PTGFRN: variants seen among roughly 807,000 people sequenced by gnomAD.
The protein encoded by PTGFRN is prostaglandin F2 receptor negative regulator.
Under a neutral mutation model 83.2 loss-of-function variants are expected in PTGFRN, and 35 were observed. The ratio of observed to expected loss-of-function variants is 0.42; its 90% CI spans 0.32 to 0.56. The LOEUF (loss-of-function observed/expected upper bound fraction) is 0.56. PTGFRN is among the 20% of genes least tolerant of loss of function. The pLI is 0.11. For synonymous variants in PTGFRN, 519 were observed against 498.6 expected, an observed-to-expected ratio of 1.04 and a Z score of -0.55; for missense variants, 1,051 against 1,179.5, an observed-to-expected ratio of 0.89 and a Z score of 1.60.
In PTGFRN at chr1:116,961,918, T is replaced by C. The variant is rs1650676292; in HGVS notation, c.1639+250T>C. The stretch of plus-strand genomic sequence containing the variant: ...GCCAAGTCTCTTGTTTCCTGAACTT[T>C]ACCTCTGAATGTTTCTTTTCTCTTT... On this transcript the variant is annotated intron_variant, in intron 5 of 8. Coordinates refer to ENST00000393203, the MANE Select transcript of PTGFRN (RefSeq NM_020440.4). The surrounding 1 kb of genome is among the most constrained non-coding windows in gnomAD (Gnocchi z 5.4). Among the ~76,000 whole-genome samples the C allele has an allele frequency of 6.6e-6, 1 of 152,220 alleles. No individual in the cohort carries two copies. Among genetic ancestry groups the C allele is most frequent in the South Asian group, 2.1e-4 (1 of 4,832 alleles).
At chr1:116,938,476 C>T (rs1005602348) in intron 1 of PTGFRN, among the ~76,000 whole-genome samples, 1 of 152,178 alleles carries the variant, frequency 6.6e-6, no homozygotes, top group Non-Finnish European at 1.5e-5. Flanking sequence ...AGGGAACCTC[C>T]CCTTTTTATA....
At chr1:116,977,979 G>C (rs1360884794) in intron 7 of PTGFRN, among the ~76,000 whole-genome samples, 1 of 152,010 alleles carries the variant, frequency 6.6e-6, no homozygotes, top group Non-Finnish European at 1.5e-5. Context: ...CCACTAGCAA[G>C]ACTAATAAAG....
intron 1 of PTGFRN, among the ~76,000 whole-genome samples, chr1:116,922,229 C>G (rs1231769111): frequency 6.6e-6 from 1 of 152,086 alleles, no homozygotes; most frequent in Non-Finnish European, 1.5e-5. Context: ...AGGCCATAAT[C>G]CTATTTTTGG....
chr1:116,987,037 T>G lies in PTGFRN; in HGVS notation c.*70T>G. ...TGGGGCAAGAAGAGGACAGTGATAT[T>G]TTAAAACAAAGTGTGTTACACTAAA... On this transcript the variant is annotated 3_prime_UTR_variant, in exon 9 of 9. Transcript: ENST00000393203. The G allele has an allele frequency of 6.4e-7, 1 of 1,574,788 alleles. No individual in the cohort carries two copies. The highest frequency in any genetic ancestry group is 8.7e-7 in the Non-Finnish European group (1 of 1,153,432).
chr1:116,978,418 A>G (rs1264429736), intron 7 of PTGFRN, among the ~76,000 whole-genome samples: 2 of 152,190 alleles, frequency 1.3e-5, no homozygotes, highest in South Asian at 2.1e-4. Context: ...AGACACAACA[A>G]AAAAAGAGAA....
chr1:116,946,416 G>C, intron 3 of PTGFRN, among the ~76,000 whole-genome samples: 1 of 152,278 alleles, frequency 6.6e-6, no homozygotes, highest in Non-Finnish European at 1.5e-5. Context: ...GATGGACTTA[G>C]GTTACCTTCC....
intron 1 of PTGFRN, among the ~76,000 whole-genome samples, chr1:116,933,583 C>G (rs1197231046): frequency 6.6e-6 from 1 of 152,150 alleles, no homozygotes; most frequent in Non-Finnish European, 1.5e-5. Context: ...ATTATGTTCC[C>G]TCTATTTGAA....
chr1:116,968,061 T>C (rs908612871), intron 6 of PTGFRN, among the ~76,000 whole-genome samples: 2 of 152,236 alleles, frequency 1.3e-5, no homozygotes, highest in African/African-American at 4.8e-5. Flanking sequence ...GTGGAAGATC[T>C]TTAACATCCT....
intron 1 of PTGFRN, among the ~76,000 whole-genome samples, chr1:116,913,722 A>G (rs892549589): frequency 1.1e-4 from 17 of 152,202 alleles, no homozygotes; most frequent in Admixed American, 9.8e-4. Flanking sequence ...TTTGATACAT[A>G]TTGGCTGACT....
intron 1 of PTGFRN, among the ~76,000 whole-genome samples, chr1:116,910,996 C>T (rs559301085): frequency 2.0e-5 from 3 of 152,274 alleles, no homozygotes; most frequent in South Asian, 4.1e-4. Flanking sequence ...ACCCTGGGTG[C>T]CCCGTGAGGT....
chr1:116,938,701 C>G (rs1371469584), intron 1 of PTGFRN, among the ~76,000 whole-genome samples: 2 of 152,232 alleles, frequency 1.3e-5, no homozygotes, highest in Non-Finnish European at 2.9e-5. Flanking sequence ...GCCTTCCCAA[C>G]AGTCCCCCAA....
chr1:116,954,574 T>C (rs2101071866), intron 4 of PTGFRN, among the ~76,000 whole-genome samples: 1 of 152,366 alleles, frequency 6.6e-6, no homozygotes, highest in East Asian at 1.9e-4. Flanking sequence ...AACATGGTCC[T>C]ATTGTACACA....
chr1:116,927,525 C>CTTTTCTTTT (rs1649685511), intron 1 of PTGFRN, among the ~76,000 whole-genome samples: 1 of 124,418 alleles, frequency 8.0e-6, no homozygotes, highest in African/African-American at 3.9e-5. Context: ...CCTTGCTTAC[C>CTTTTCTTTT]TTTTTTTTTT....
At chr1:116,973,489 C>T (rs1651060618) in intron 6 of PTGFRN, among the ~76,000 whole-genome samples, 1 of 151,606 alleles carries the variant, frequency 6.6e-6, no homozygotes, top group Non-Finnish European at 1.5e-5. Flanking sequence ...CCTGTAATCC[C>T]AGCTACCCAG....
intron 3 of PTGFRN, 95 bp downstream of exon 3, chr1:116,945,187 A>G: frequency 6.9e-7 from 1 of 1,449,638 alleles, no homozygotes; most frequent in Non-Finnish European, 9.2e-7. Context: ...GCCTTCTGAC[A>G]AGAACTGTTT....
chr1:116,964,203 T>C (rs959925860), intron 5 of PTGFRN, among the ~76,000 whole-genome samples: 1 of 152,238 alleles, frequency 6.6e-6, no homozygotes, highest in African/African-American at 2.4e-5. Context: ...ATATACTCAG[T>C]GTGTCTGGTT....
At chr1:116,970,936 A>G (rs967460953) in intron 6 of PTGFRN, among the ~76,000 whole-genome samples, 1 of 152,238 alleles carries the variant, frequency 6.6e-6, no homozygotes, top group Non-Finnish European at 1.5e-5. Context: ...CAAAGTGTCA[A>G]GAGGAAAATG....
chr1:116,923,126 G>A lies in PTGFRN; in HGVS notation c.49+12874G>A, dbSNP rs1029404862. Among the ~76,000 whole-genome samples the A allele has an allele frequency of 6.6e-5, 10 of 152,140 alleles. No homozygotes were observed. The highest frequency in any genetic ancestry group is 1.2e-4 in the Non-Finnish European group (8 of 68,030). ...GAGCATTTGTGTGTCTCACCCAACCGTAAGCAGCTCGAAAGCAGGATCATG... is the reference window on the plus strand; with the variant it reads ...GAGCATTTGTGTGTCTCACCCAACCATAAGCAGCTCGAAAGCAGGATCATG... On this transcript the variant is annotated intron_variant, in intron 1 of 8. Transcript: ENST00000393203. The surrounding 1 kb of genome is among the most constrained non-coding windows in gnomAD (Gnocchi z 4.0).
chr1:116,920,474 C>G (rs1022613211), intron 1 of PTGFRN, among the ~76,000 whole-genome samples: 1 of 152,192 alleles, frequency 6.6e-6, no homozygotes, highest in Non-Finnish European at 1.5e-5. Flanking sequence ...CTCCCTTCAG[C>G]CTAGGAAAGA....
Sources: allele counts gnomAD v4.1 joint callset (sites outside exome capture counted in the v4.1 genomes callset), GRCh38; gene constraint gnomAD v4.1.1; non-coding constraint Gnocchi (gnomAD v3.1); transcripts MANE v1.5; gene names NCBI Gene and HGNC (gene_info 2026-07-23, HGNC 2026-07-21).